The following TENM2 variants were observed in gnomAD, a reference collection of about 807,000 sequenced individuals.
TENM2 encodes the protein teneurin transmembrane protein 2.
In TENM2, 52 loss-of-function variants were observed where a neutral mutation model predicts 245.2. The ratio of observed to expected loss-of-function variants is 0.21; its 90% CI spans 0.17 to 0.27. The LOEUF is 0.27. Ranked by LOEUF, TENM2 falls within the 10% of genes least tolerant of loss-of-function variation. The pLI is 1.00. For missense variants in TENM2, 3,046 were observed against 3,666.8 expected, an observed-to-expected ratio of 0.83 and a Z score of 4.37; for synonymous variants, 1,363 against 1,438.9, an observed-to-expected ratio of 0.95 and a Z score of 1.19.
the TENM2 span, among the ~76,000 whole-genome samples, chr5:167,236,318 A>G: frequency 6.6e-6 from 1 of 152,176 alleles, no homozygotes; most frequent in Non-Finnish European, 1.5e-5. Flanking sequence ...AACTCAAAGA[A>G]CCACAATTTA....
chr5:167,476,777 T>C (rs1217603444), intron 2 of TENM2, among the ~76,000 whole-genome samples: 1 of 152,082 alleles, frequency 6.6e-6, no homozygotes, highest in East Asian at 1.9e-4. Flanking sequence ...TTTTCTATTT[T>C]TAATAGAGAC....
At chr5:167,807,624 TA>T (rs11287928) in intron 2 of TENM2, among the ~76,000 whole-genome samples, 8,612 of 149,632 alleles carry the variant, frequency 0.058, 347 homozygotes, top group African/African-American at 0.1. Context: ...GCATTTTTTT[TA>T]AAAAAAAAAA....
Position 168,224,998 on chromosome 5 carries a change from A to G in TENM2, c.5109-1090A>G, listed in dbSNP as rs374731420. Among the ~76,000 whole-genome samples, 5 of 152,294 alleles carry G rather than the reference A, an allele frequency of 3.3e-5. No homozygotes were observed. The East Asian group carries it at 7.7e-4, about 24-fold the overall frequency. On this transcript the variant is annotated intron_variant, in intron 23 of 28. Coordinates refer to ENST00000518659, the Ensembl canonical transcript of TENM2. ...GGAGAAAACTCCACGGTGTGAGAAA[A>G]GAGGAAAGACGACACATATACATAA...
chr5:167,465,859 G>A (rs570869958), intron 2 of TENM2, among the ~76,000 whole-genome samples: 5 of 151,768 alleles, frequency 3.3e-5, no homozygotes, highest in Admixed American at 2.6e-4. Context: ...AAAGAAACAT[G>A]CCCAAGGTCA....
At chr5:167,884,827 G>A (rs1254272866) in intron 3 of TENM2, among the ~76,000 whole-genome samples, 2 of 152,086 alleles carry the variant, frequency 1.3e-5, no homozygotes, top group Non-Finnish European at 2.9e-5. Context: ...TTAAAGATTT[G>A]ACATGCTGTT....
intron 12 of TENM2, among the ~76,000 whole-genome samples, chr5:168,146,625 G>A (rs982650614): frequency 1.3e-5 from 2 of 152,110 alleles, no homozygotes; most frequent in Non-Finnish European, 2.9e-5. Flanking sequence ...ACATTATTGA[G>A]TACTAATGAC....
At chr5:167,715,973 C>T (rs906407189) in intron 2 of TENM2, among the ~76,000 whole-genome samples, 1 of 152,160 alleles carries the variant, frequency 6.6e-6, no homozygotes, top group Admixed American at 6.5e-5. Flanking sequence ...AGCAATTAGG[C>T]ACACTTTATT....
the TENM2 span, among the ~76,000 whole-genome samples, chr5:167,196,736 A>C: frequency 6.6e-6 from 1 of 152,002 alleles, no homozygotes; most frequent in Non-Finnish European, 1.5e-5. Context: ...AGTTAAAAAT[A>C]AAATATAACA....
the TENM2 span, among the ~76,000 whole-genome samples, chr5:167,212,043 C>T: frequency 3.3e-5 from 5 of 152,128 alleles, no homozygotes; most frequent in African/African-American, 1.2e-4. Flanking sequence ...GAGCGTTTCT[C>T]ATAGTTTCAG....
the TENM2 span, among the ~76,000 whole-genome samples, chr5:167,275,648 G>A: frequency 3.3e-5 from 5 of 151,940 alleles, no homozygotes; most frequent in African/African-American, 9.7e-5. Context: ...GATTTCCAGT[G>A]CCCATGTGTT....
At chr5:167,317,877 C>T (rs1429813997) in intron 1 of TENM2, among the ~76,000 whole-genome samples, 2 of 152,106 alleles carry the variant, frequency 1.3e-5, no homozygotes, top group African/African-American at 4.8e-5. Flanking sequence ...AGCCACACAG[C>T]TTGAATAAAT....
At chr5:167,881,021 C>A (rs1308428721) in intron 3 of TENM2, among the ~76,000 whole-genome samples, 2 of 152,128 alleles carry the variant, frequency 1.3e-5, no homozygotes, top group Non-Finnish European at 2.9e-5. Flanking sequence ...TTCAGGACAG[C>A]CTCCCTCACT....
chr5:168,049,772 G>T (rs1298011419), intron 6 of TENM2, among the ~76,000 whole-genome samples: 2 of 152,168 alleles, frequency 1.3e-5, no homozygotes, highest in African/African-American at 4.8e-5. Context: ...TTCCAAATAA[G>T]TTATGTGACA....
At chr5:167,491,401 C>G (rs912789560) in intron 2 of TENM2, among the ~76,000 whole-genome samples, 4 of 152,032 alleles carry the variant, frequency 2.6e-5, no homozygotes, top group Non-Finnish European at 4.4e-5. Flanking sequence ...AAAGCTTGTT[C>G]TTAACTTTAT....
chr5:167,213,196 GT>G, the TENM2 span, among the ~76,000 whole-genome samples: 12 of 152,194 alleles, frequency 7.9e-5, no homozygotes, highest in African/African-American at 2.9e-4. Flanking sequence ...AATGTTCACT[GT>G]TGCTACATAT....
At chr5:167,052,081 A>G in the TENM2 span, among the ~76,000 whole-genome samples, 22,163 of 152,088 alleles carry the variant, frequency 0.15, 2,348 homozygotes, top group East Asian at 0.4. Context: ...TCTCTATATA[A>G]TGACAAAAGA....
chr5:168,019,241 C>T (rs1785933042), intron 5 of TENM2, among the ~76,000 whole-genome samples: 1 of 152,132 alleles, frequency 6.6e-6, no homozygotes, highest in African/African-American at 2.4e-5. Flanking sequence ...GACAACAAGC[C>T]TTTCATGCCA....
Position 167,445,369 on chromosome 5 carries a change from A to AGAGAGAGAGAGAGAGAGAGAGAGAGAGT in TENM2, c.502+69897_502+69898insAGAGAGAGAGAGAGAGAGAGAGAGAGTG, listed in dbSNP as rs35699708. Among the ~76,000 whole-genome samples the AGAGAGAGAGAGAGAGAGAGAGAGAGAGT allele has an allele frequency of 6.4e-4, 63 of 98,500 alleles. 1 individual carries two copies. The highest frequency in any genetic ancestry group is 1.3e-3 in the African/African-American group (26 of 19,804). The allele number at this position is 98,500 out of a possible 152,430, so 64.6% of individuals were successfully genotyped here. On this transcript the variant is annotated intron_variant, in intron 2 of 28. Coordinates refer to ENST00000518659, the Ensembl canonical transcript of TENM2. ...GAGAGAGAGAGAGAGAGAGAGAGAG[A>AGAGAGAGAGAGAGAGAGAGAGAGAGAGT]GTGTCAGGTGTTGTCTTGTTGTTGG... is the stretch of plus-strand genomic sequence containing the variant.
intron 7 of TENM2, among the ~76,000 whole-genome samples, chr5:168,081,514 T>A (rs1791993947): frequency 6.6e-6 from 1 of 152,240 alleles, no homozygotes; most frequent in African/African-American, 2.4e-5. Flanking sequence ...TGATGTGATT[T>A]CTTCCTAGCA....
Sources: allele counts gnomAD v4.1 joint callset (sites outside exome capture counted in the v4.1 genomes callset), GRCh38; gene constraint gnomAD v4.1.1; transcripts MANE v1.5; gene names NCBI Gene and HGNC (gene_info 2026-07-23, HGNC 2026-07-21).